The following TGFBI variants were observed in gnomAD, a reference collection of about 807,000 sequenced individuals.
TGFBI encodes transforming growth factor beta induced, also known as transforming growth factor-beta-induced protein ig-h3.
In TGFBI, 50 loss-of-function variants were observed where a neutral mutation model predicts 73.7. That is an observed-to-expected ratio of 0.68 (90% CI 0.54 to 0.86). TGFBI has a LOEUF of 0.86. Among genes scored for constraint, TGFBI ranks in the 40% least tolerant of loss-of-function variants. TGFBI has a pLI of 0.00. For synonymous variants in TGFBI, 362 were observed against 360.5 expected (o/e 1.00, Z -0.05); for missense variants, 839 against 877.0 (o/e 0.96, Z 0.55).
At chr5:136,054,307 G>A (rs939157397) in intron 9 of TGFBI, among the ~76,000 whole-genome samples, 1 of 152,202 alleles carries the variant, frequency 6.6e-6, no homozygotes, top group African/African-American at 2.4e-5. Flanking sequence ...CTCAAGACTT[G>A]ACATCTGGGA....
chr5:136,062,810 C>G (rs1187197456), intron 16 of TGFBI, 123 bp downstream of exon 16: 7 of 1,114,296 alleles, frequency 6.3e-6, no homozygotes, highest in Non-Finnish European at 9.1e-6. Context: ...GAAGCCTGGC[C>G]TTTGGAGTCA....
chr5:136,054,531 TG>T (rs777872664), intron 9 of TGFBI, 184 bp from the exon 10 acceptor site: 1 of 907,714 alleles, frequency 1.1e-6, no homozygotes, highest in Non-Finnish European at 1.8e-6. Flanking sequence ...CTTGATTATC[TG>T]GATCTTCTTT....
At chr5:136,052,851 C>T (rs984526149) in intron 7 of TGFBI, 56 bp from the exon 8 acceptor site, 4 of 1,553,342 alleles carry the variant, frequency 2.6e-6, no homozygotes, top group Non-Finnish European at 3.5e-6. Flanking sequence ...TGCAAGTGGT[C>T]CCTGAGGTTA....
chr5:136,054,821 C>G lies in TGFBI; in HGVS notation c.1370C>G (p.Thr457Ser), dbSNP rs376040755. The G allele has an allele frequency of 3.7e-6, 6 of 1,613,864 alleles. No individual in the cohort carries two copies. The highest frequency in any genetic ancestry group is 5.1e-6 in the Non-Finnish European group (6 of 1,179,866). ...CTGTACCATGGACAGACCCTGGAAA[C>G]TCTGGGCGGCAAAAAACTGAGAGTT... is the stretch of plus-strand genomic sequence containing the variant. ...KYLYHGQTLE[T>S]LGGKKLRVFV... The change falls in exon 10 of 17, where the codon ACT (threonine) becomes AGT (serine). Residue 457 changes from threonine to serine, a missense_variant. By Grantham distance (58) the Thr-to-Ser change is moderately conservative. Transcript: ENST00000442011.
chr5:136,033,913 G>A, intron 2 of TGFBI, 52 bp downstream of exon 2: 1 of 1,464,658 alleles, frequency 6.8e-7, no homozygotes, highest in Non-Finnish European at 9.5e-7. Flanking sequence ...GCTGGCTGCA[G>A]TTCCCCAGGG....
chr5:136,030,254 C>T (rs1310137292), intron 1 of TGFBI, among the ~76,000 whole-genome samples: 1 of 152,308 alleles, frequency 6.6e-6, no homozygotes, highest in South Asian at 2.1e-4. Context: ...AGAGACTGGG[C>T]AGATCTGTGC....
chr5:136,059,977 C>T (rs1241789579), intron 13 of TGFBI, among the ~76,000 whole-genome samples: 3 of 152,226 alleles, frequency 2.0e-5, no homozygotes, highest in Non-Finnish European at 4.4e-5. Flanking sequence ...CTGTCACAGG[C>T]TTCTGTGCCT....
intron 2 of TGFBI, among the ~76,000 whole-genome samples, chr5:136,040,562 T>C (rs970535312): frequency 1.3e-5 from 2 of 152,186 alleles, no homozygotes; most frequent in Non-Finnish European, 2.9e-5. Context: ...TGCCACCATC[T>C]GGGGAAATAT....
In TGFBI at chr5:136,063,507, G is replaced by C; in HGVS notation, c.*281G>C. On this transcript the variant is annotated 3_prime_UTR_variant, in exon 17 of 17. Coordinates refer to ENST00000442011, the MANE Select transcript of TGFBI (RefSeq NM_000358.3). ...CCAGAGAGGACCTATCCCAAATGTG[G>C]AATTGACTGCCTATGCCAAGTCCCT... The C allele has an allele frequency of 2.4e-6, 1 of 419,884 alleles. No individual in the cohort carries two copies. The highest frequency in any genetic ancestry group is 4.3e-6 in the Non-Finnish European group (1 of 231,004). The allele number at this position is 419,884 out of a possible 1,614,324, so 26.0% of individuals were successfully genotyped here. A position where few individuals can be genotyped will look rare whatever the true frequency, so the allele number is the denominator to read the frequency against.
intron 11 of TGFBI, among the ~76,000 whole-genome samples, chr5:136,056,182 T>C (rs1751628515): frequency 6.6e-6 from 1 of 152,208 alleles, no homozygotes; most frequent in Non-Finnish European, 1.5e-5. Flanking sequence ...GCAGTATCTG[T>C]TTATTGCAAC....
intron 12 of TGFBI, among the ~76,000 whole-genome samples, chr5:136,057,422 G>A (rs1039930493): frequency 4.6e-5 from 7 of 152,132 alleles, no homozygotes; most frequent in African/African-American, 1.7e-4. Flanking sequence ...TCTAGTTGAG[G>A]ATGTTTGGCA....
At position 136,053,965 on chromosome 5, in the gene TGFBI, T is replaced by G; in HGVS notation, c.1149T>G (p.Ala383=). 6.2e-7 allele frequency: 1 copy of G among 1,614,044 alleles called. No homozygotes were observed. The highest frequency in any genetic ancestry group is 8.5e-7 in the Non-Finnish European group (1 of 1,179,878). ...PDSAKTLFEL[A]AESDVSTAID... is the part of the protein sequence containing the mutation. Reference sequence around the variant, plus strand: ...TAGCCAAGACACTATTTGAATTGGCTGCAGAGTCTGATGTGTCCACAGCCA... The same window carrying G: ...TAGCCAAGACACTATTTGAATTGGCGGCAGAGTCTGATGTGTCCACAGCCA... Residue 383 remains alanine, a synonymous_variant, in exon 9 of 17, where the codon GCT becomes GCG. Transcript: ENST00000442011.
intron 2 of TGFBI, among the ~76,000 whole-genome samples, chr5:136,037,744 G>A (rs1223752659): frequency 6.6e-6 from 1 of 152,116 alleles, no homozygotes; most frequent in Non-Finnish European, 1.5e-5. Flanking sequence ...TTTGCCCAGG[G>A]GCAAAAATAT....
In TGFBI at chr5:136,055,588, G is replaced by A. The variant is rs1751614506; in HGVS notation, c.1411-92G>A. ...CAGTGTATACTCCTTCATCTTCATGGATAATGACCCTGCTACATGCTCTGA... is the reference window on the plus strand; with the variant it reads ...CAGTGTATACTCCTTCATCTTCATGAATAATGACCCTGCTACATGCTCTGA... On this transcript the variant is annotated intron_variant, in intron 10 of 16. Transcript: ENST00000442011. The A allele has an allele frequency of 3.2e-6, 4 of 1,246,018 alleles. No individual in the cohort carries two copies. In the South Asian group the frequency reaches 9.9e-5, roughly 31 times the overall value. 77.2% of individuals were successfully genotyped at this position (1,246,018 alleles called of 1,614,324 possible).
At chr5:136,047,054 A>C in intron 5 of TGFBI, 39 bp downstream of exon 5, 1 of 1,603,700 alleles carries the variant, frequency 6.2e-7, no homozygotes, top group Non-Finnish European at 8.5e-7. Context: ...CCCTTGGTGC[A>C]TAATGAACCC....
chr5:136,063,663 T>A lies in TGFBI; in HGVS notation c.*437T>A, dbSNP rs908232425. On this transcript the variant is annotated 3_prime_UTR_variant, in exon 17 of 17. Transcript: ENST00000442011. ...AAATGGCATCATTATAAGCTATGAG[T>A]TGAAATGTTCTGTCAAATGTGTCTC... The A allele has an allele frequency of 5.7e-6, 1 of 175,812 alleles. No homozygotes were observed. The highest frequency in any genetic ancestry group is 2.4e-5 in the African/African-American group (1 of 42,042). 10.9% of individuals were successfully genotyped at this position (175,812 alleles called of 1,614,324 possible).
At chr5:136,031,556 G>T (rs957270498) in intron 1 of TGFBI, among the ~76,000 whole-genome samples, 1 of 152,238 alleles carries the variant, frequency 6.6e-6, no homozygotes, top group Non-Finnish European at 1.5e-5. Context: ...ACTTAGTTCA[G>T]ACACAGAATG....
intron 6 of TGFBI, 153 bp downstream of exon 6, chr5:136,047,573 C>A: frequency 1.1e-6 from 1 of 873,028 alleles, no homozygotes. Context: ...ATGGAGAATT[C>A]ATTGACCAGA....
In TGFBI at chr5:136,054,885, G is replaced by A. The variant is rs544133524; in HGVS notation, c.1410+24G>A. On this transcript the variant is annotated intron_variant, in intron 10 of 16. Transcript: ENST00000442011. ...ATGTAAGTTCTGGGTCCTAAATCATGCTCCTGGGAAGCTCCTTACTGTGGG... is the reference window on the plus strand; with the variant it reads ...ATGTAAGTTCTGGGTCCTAAATCATACTCCTGGGAAGCTCCTTACTGTGGG... 8 of 1,609,892 alleles carry A rather than the reference G, an allele frequency of 5.0e-6. No homozygotes were observed. In the South Asian group the frequency reaches 8.8e-5, roughly 18 times the overall value.
Sources: allele counts gnomAD v4.1 joint callset (sites outside exome capture counted in the v4.1 genomes callset), GRCh38; gene constraint gnomAD v4.1.1; transcripts MANE v1.5; gene names NCBI Gene and HGNC (gene_info 2026-07-23, HGNC 2026-07-21).